The following ITGAD variants were observed in gnomAD, a reference collection of about 807,000 sequenced individuals.
ITGAD encodes the protein integrin subunit alpha D.
A neutral mutation model predicts 139.0 loss-of-function variants in ITGAD; 105 were observed. That is an observed-to-expected ratio of 0.76 (90% CI 0.65 to 0.89). The LOEUF is 0.89. Among genes scored for constraint, ITGAD ranks in the 40% least tolerant of loss-of-function variants. The probability of loss-of-function intolerance (pLI) is 0.00; values close to 1 mark genes in which losing one functional copy is unlikely to be tolerated. For synonymous variants in ITGAD, 569 were observed against 598.3 expected (o/e 0.95, Z 0.71); for missense variants, 1,384 against 1,487.3 (o/e 0.93, Z 1.14).
At chr16:31,413,746 C>T (rs1232504512) in intron 16 of ITGAD, among the ~76,000 whole-genome samples, 7 of 152,158 alleles carry the variant, frequency 4.6e-5, no homozygotes, top group Admixed American at 2.0e-4. Flanking sequence ...GCACGCTTTT[C>T]GTAAATGCAC....
chr16:31,398,324 G>A (rs555771251), intron 5 of ITGAD, among the ~76,000 whole-genome samples: 1 of 151,956 alleles, frequency 6.6e-6, no homozygotes, highest in Admixed American at 6.6e-5. Flanking sequence ...CCACTCGGGA[G>A]GCAGAGACAG....
chr16:31,418,613 C>A, intron 23 of ITGAD, 49 bp downstream of exon 23: 1 of 1,364,668 alleles, frequency 7.3e-7, no homozygotes, highest in Non-Finnish European at 1.0e-6. Flanking sequence ...TCCTCTATGC[C>A]TGGTACTCCT....
At chr16:31,409,138 C>T (rs1429187125) in intron 10 of ITGAD, among the ~76,000 whole-genome samples, 1 of 151,764 alleles carries the variant, frequency 6.6e-6, no homozygotes, top group Admixed American at 6.6e-5. Flanking sequence ...ACTAAAAATA[C>T]AAAAAAATTA....
intron 14 of ITGAD, 57 bp from the exon 15 acceptor site, chr16:31,412,781 A>C: frequency 6.2e-7 from 1 of 1,607,212 alleles, no homozygotes; most frequent in Non-Finnish European, 8.5e-7. Flanking sequence ...CTTGTTACTT[A>C]TTTCCAACTT....
intron 26 of ITGAD, 87 bp from the exon 27 acceptor site, chr16:31,423,758 T>C: frequency 2.6e-6 from 4 of 1,537,686 alleles, no homozygotes; most frequent in Admixed American, 1.7e-5. Flanking sequence ...TGCTCATCTG[T>C]TCCCCACCCC....
intron 10 of ITGAD, among the ~76,000 whole-genome samples, 168 bp from the exon 11 acceptor site, chr16:31,410,227 G>A (rs1055627128): frequency 6.6e-6 from 1 of 152,126 alleles, no homozygotes; most frequent in African/African-American, 2.4e-5. Flanking sequence ...GGGGGCTGGC[G>A]GAGCAGTGGC....
chr16:31,404,776 G>A (rs138735073), intron 7 of ITGAD: 1,628 of 151,916 alleles, frequency 0.011, 18 homozygotes, highest in Non-Finnish European at 0.016. Flanking sequence ...CCCTGCTGCC[G>A]GTCCTTCCCT....
chr16:31,404,321 G>T (rs1377220845), intron 7 of ITGAD: 1 of 152,446 alleles, frequency 6.6e-6, no homozygotes, highest in Non-Finnish European at 1.5e-5. Context: ...CCCGAGAAAG[G>T]CATGTGGTTC....
rs1420710277 is a variant in ITGAD, at chr16:31,393,499, AGC to A, written c.31+109_31+110del. 6 of 1,194,300 alleles carry A rather than the reference AGC, an allele frequency of 5.0e-6. No individual in the cohort carries two copies. In the East Asian group the frequency reaches 1.4e-4, roughly 28 times the overall value. The allele number at this position is 1,194,300 out of a possible 1,614,324, so 74.0% of individuals were successfully genotyped here. A position where few individuals can be genotyped will look rare whatever the true frequency, so the allele number is the denominator to read the frequency against. ...GTCGGCTCCAACCACTCTTATGAGG[AGC>A]TGAGGCAGGGGAGTGCTTCATGTGC... On this transcript the variant is annotated intron_variant, in intron 1 of 29. Coordinates refer to ENST00000389202, the MANE Select transcript of ITGAD (RefSeq NM_005353.3).
At chr16:31,393,495 G>A (rs750404578) in intron 1 of ITGAD, 104 bp downstream of exon 1, 1 of 1,218,168 alleles carries the variant, frequency 8.2e-7, no homozygotes, top group South Asian at 1.2e-5. Flanking sequence ...CCACTCTTAT[G>A]AGGAGCTGAG....
chr16:31,423,887 C>T lies in ITGAD; in HGVS notation c.3088C>T (p.Pro1030Ser). ...CTGCCTGCAGTTCCGCTGTGACGTC[C>T]CCTCCTTCAGCGTCCAGGAGGAGCT... is the stretch of plus-strand genomic sequence containing the variant. ...ADCLQFRCDV[P>S]SFSVQEELDF... The change falls in exon 27 of 30, where the codon CCC becomes TCC. Residue 1030 changes from proline (P) to serine (S), a missense_variant. Coordinates refer to ENST00000389202, the MANE Select transcript of ITGAD (RefSeq NM_005353.3). The T allele has an allele frequency of 6.2e-7, 1 of 1,614,202 alleles. No individual in the cohort carries two copies. The highest frequency in any genetic ancestry group is 1.3e-5 in the African/African-American group (1 of 75,038).
chr16:31,396,855 A>G (rs2081274845), intron 2 of ITGAD, among the ~76,000 whole-genome samples: 1 of 152,210 alleles, frequency 6.6e-6, no homozygotes, highest in Non-Finnish European at 1.5e-5. Flanking sequence ...ACTGCTTTAC[A>G]TTGGCCAATT....
chr16:31,416,780 C>A, intron 20 of ITGAD, 134 bp downstream of exon 20: 2 of 811,650 alleles, frequency 2.5e-6, no homozygotes, highest in Non-Finnish European at 3.8e-6. Flanking sequence ...CACACACATA[C>A]ACACAGAGAA....
At chr16:31,410,694 A>AG in intron 11 of ITGAD, 42 bp from the exon 12 acceptor site, 1 of 1,220,242 alleles carries the variant, frequency 8.2e-7, no homozygotes, top group Non-Finnish European at 1.0e-6. Context: ...GGTTCTGGGG[A>AG]GGGGGAATGG....
chr16:31,412,838 C>G lies in ITGAD; in HGVS notation c.1708C>G (p.Arg570Gly), dbSNP rs756346848. The G allele has an allele frequency of 6.2e-7, 1 of 1,613,970 alleles. No homozygotes were observed. Residue 570 changes from arginine to glycine, a missense_variant and splice_region_variant, in exon 15 of 30, where the codon CGG (arginine) becomes GGG (glycine). Transcript: ENST00000389202. ...ESGISPSHSQ[R>G]IASSQLSPRL... The stretch of plus-strand genomic sequence containing the variant: ...ATTCACCCTTTTCTCTTCTGGCCAG[C>G]GGATTGCCAGCTCCCAGCTCTCCCC...
At chr16:31,410,329 G>T in intron 10 of ITGAD, 66 bp from the exon 11 acceptor site, 1 of 1,602,872 alleles carries the variant, frequency 6.2e-7, no homozygotes, top group Non-Finnish European at 8.5e-7. Flanking sequence ...GGTGGCAGGC[G>T]TGTCTCTGGG....
chr16:31,426,097 G>C lies in ITGAD; in HGVS notation c.3455G>C (p.Ser1152Thr). Residue 1152 changes from serine (S) to threonine (T), a missense_variant, in exon 30 of 30, where the codon AGC (serine) becomes ACC (threonine). By Grantham distance (58) the Ser-to-Thr change is moderately conservative (BLOSUM62 1). Coordinates refer to ENST00000389202, the MANE Select transcript of ITGAD (RefSeq NM_005353.3). ...GCCACATTCAGTGGGGACGATTTCA[G>C]CTGTGTGGCCCCAAATGTGCCTTTG... The part of the protein sequence containing the change: ...DTATFSGDDF[S>T]CVAPNVPLS 3 of 1,613,334 alleles carry C rather than the reference G, an allele frequency of 1.9e-6. No homozygotes were observed. The highest frequency in any genetic ancestry group is 2.5e-6 in the Non-Finnish European group (3 of 1,179,268).
chr16:31,398,250 C>A (rs1238317473), intron 5 of ITGAD, among the ~76,000 whole-genome samples: 20 of 139,876 alleles, frequency 1.4e-4, no homozygotes, highest in Admixed American at 1.2e-3. Flanking sequence ...AACCCCTCTA[C>A]TAAAAATACA....
rs761474502 is a variant in ITGAD at position 31,410,469 on chromosome 16, C to T, written c.1158C>T (p.Ser386=). The T allele has an allele frequency of 1.2e-5, 19 of 1,613,924 alleles. No homozygotes were observed. Among genetic ancestry groups the T allele is most frequent in the Non-Finnish European group, 1.4e-5 (17 of 1,179,962 alleles). The change falls in exon 11 of 30, where the codon AGC becomes AGT. Residue 386 remains serine (S), a synonymous_variant. Transcript: ENST00000389202. ...GGAFLYPPNM[S]PTFINMSQEN... ...CCTTCCTGTATCCCCCAAATATGAGCCCCACCTTCATCAACATGTCTCAGG... is the reference window on the plus strand; with the variant it reads ...CCTTCCTGTATCCCCCAAATATGAGTCCCACCTTCATCAACATGTCTCAGG...
Sources: allele counts gnomAD v4.1 joint callset (sites outside exome capture counted in the v4.1 genomes callset), GRCh38; gene constraint gnomAD v4.1.1; transcripts MANE v1.5; gene names NCBI Gene and HGNC (gene_info 2026-07-23, HGNC 2026-07-21).